ARHGEF28: variants seen among roughly 807,000 people sequenced by gnomAD.
The protein encoded by ARHGEF28 is Rho guanine nucleotide exchange factor 28, also known as 190 kDa guanine nucleotide exchange factor.
ARHGEF28 carries 152 observed loss-of-function variants against 206.6 expected under a neutral mutation model. The ratio of observed to expected loss-of-function variants is 0.74; its 90% CI spans 0.64 to 0.84. The LOEUF is 0.84. Ranked by LOEUF, ARHGEF28 falls within the 40% of genes least tolerant of loss-of-function variation. ARHGEF28 has a pLI of 0.00. For missense variants in ARHGEF28, 2,028 were observed against 2,073.2 expected (o/e 0.98, Z 0.42); for synonymous variants, 763 against 776.4 (o/e 0.98, Z 0.29).
intron 2 of ARHGEF28, among the ~76,000 whole-genome samples, chr5:73,698,111 T>G (rs1200304408): frequency 6.6e-6 from 1 of 152,156 alleles, no homozygotes; most frequent in Non-Finnish European, 1.5e-5. Context: ...CTTAAAAAGC[T>G]GGCAAATTCC....
intron 2 of ARHGEF28, among the ~76,000 whole-genome samples, chr5:73,744,155 C>T (rs1010201577): frequency 6.6e-6 from 1 of 152,062 alleles, no homozygotes; most frequent in East Asian, 1.9e-4. Context: ...TTAGATATGT[C>T]AATATCTGTA....
intron 7 of ARHGEF28, among the ~76,000 whole-genome samples, chr5:73,783,396 G>C (rs1181277320): frequency 6.6e-6 from 1 of 151,544 alleles, no homozygotes; most frequent in Admixed American, 6.6e-5. Context: ...ATGTGTGTGT[G>C]TGCGCGCTTC....
chr5:73,814,707 T>A (rs1027567191), intron 9 of ARHGEF28, among the ~76,000 whole-genome samples: 2 of 152,138 alleles, frequency 1.3e-5, no homozygotes, highest in Non-Finnish European at 2.9e-5. Flanking sequence ...TGGCTTACCC[T>A]GTCACCCTGT....
chr5:73,823,061 A>C lies in ARHGEF28; in HGVS notation c.1025-9277A>C, dbSNP rs183590904. On this transcript the variant is annotated intron_variant, in intron 9 of 35. Transcript: ENST00000513042. ...CCCTTTGAATGAGGAAATTTGGGAG[A>C]TTGTATATGCAGCAGCTGGGCTTTG... Among the ~76,000 whole-genome samples the C allele has an allele frequency of 2.7e-3, 401 of 150,904 alleles. 1 individual carries two copies. Among genetic ancestry groups the C allele is most frequent in the African/African-American group, 9.4e-3 (386 of 41,084 alleles).
chr5:73,635,896 C>T (rs138472882), intron 1 of ARHGEF28, among the ~76,000 whole-genome samples: 9 of 152,264 alleles, frequency 5.9e-5, no homozygotes, highest in South Asian at 2.1e-4. Flanking sequence ...TTTTAACTGA[C>T]GGATTTTTAA....
At chr5:73,750,084 A>C in intron 3 of ARHGEF28, 100 bp downstream of exon 3, 1 of 1,435,540 alleles carries the variant, frequency 7.0e-7, no homozygotes, top group Non-Finnish European at 9.4e-7. Flanking sequence ...AAAAGAAAAC[A>C]GTGCTGCAAG....
chr5:73,804,100 A>G (rs1755296599), intron 9 of ARHGEF28, among the ~76,000 whole-genome samples: 1 of 151,530 alleles, frequency 6.6e-6, no homozygotes, highest in African/African-American at 2.4e-5. Context: ...AAAAAAAAAA[A>G]AAAAAAAGAA....
intron 9 of ARHGEF28, among the ~76,000 whole-genome samples, chr5:73,801,784 G>T (rs1288387909): frequency 2.0e-5 from 3 of 152,086 alleles, no homozygotes; most frequent in Non-Finnish European, 4.4e-5. Flanking sequence ...AAGCTTCCCA[G>T]TGAATCATTT....
rs1762295366 is a variant in ARHGEF28 at position 73,901,971 on chromosome 5, T to C, written c.4074+687T>C. On this transcript the variant is annotated intron_variant, in intron 31 of 35. Transcript: ENST00000513042. Reference sequence around the variant, plus strand: ...ATAAAATATGATTCTGGGAGGTGGCTAGTTGGCCTCTTCCTGCTTGTCAGG... The same window carrying C: ...ATAAAATATGATTCTGGGAGGTGGCCAGTTGGCCTCTTCCTGCTTGTCAGG... 2 of 152,214 alleles carry C rather than the reference T, an allele frequency of 1.3e-5. 1 individual carries two copies. Among genetic ancestry groups the C allele is most frequent in the South Asian group, 4.1e-4 (2 of 4,834 alleles). 9.4% of individuals were successfully genotyped at this position (152,214 alleles called of 1,614,324 possible).
intron 33 of ARHGEF28, chr5:73,908,335 T>C (rs1403385003): frequency 6.6e-6 from 1 of 152,140 alleles, no homozygotes; most frequent in East Asian, 1.9e-4. Context: ...TATGGTCAAA[T>C]CCCCATCTTC....
rs746499441 is a variant in ARHGEF28, at chr5:73,749,951, A to G, written c.148A>G (p.Ile50Val). The G allele has an allele frequency of 2.5e-6, 4 of 1,613,988 alleles. No homozygotes were observed. The highest frequency in any genetic ancestry group is 2.5e-6 in the Non-Finnish European group (3 of 1,179,880). The change falls in exon 3 of 36, where the codon ATC becomes GTC. Residue 50 changes from isoleucine (I) to valine (V), a missense_variant. By Grantham distance (29) the Ile-to-Val change is conservative (BLOSUM62 3). Coordinates refer to ENST00000513042, the MANE Select transcript of ARHGEF28 (RefSeq NM_001177693.2). ...GCGACATGTCATGATTGCAGAGCGC[A>G]TCGAGGATAACGTTCTCCAGTCCAG... ...HQRHVMIAER[I>V]EDNVLQSSVP...
intron 2 of ARHGEF28, among the ~76,000 whole-genome samples, chr5:73,724,827 G>A (rs975039955): frequency 5.3e-5 from 8 of 152,114 alleles, no homozygotes; most frequent in Non-Finnish European, 7.4e-5. Context: ...TCCAGTTTTT[G>A]GTGATTACAA....
At chr5:73,843,988 T>A (rs1285578075) in intron 11 of ARHGEF28, among the ~76,000 whole-genome samples, 2 of 152,182 alleles carry the variant, frequency 1.3e-5, no homozygotes, top group African/African-American at 4.8e-5. Context: ...TTCTATATAT[T>A]TTTTAAAAAA....
intron 7 of ARHGEF28, among the ~76,000 whole-genome samples, chr5:73,783,784 GT>G (rs1035969036): frequency 1.1e-3 from 164 of 152,224 alleles, no homozygotes; most frequent in Admixed American, 1.4e-3. Flanking sequence ...CAAAATATAC[GT>G]TCAGTTTTAG....
intron 2 of ARHGEF28, among the ~76,000 whole-genome samples, chr5:73,748,120 T>C (rs893932885): frequency 4.6e-5 from 7 of 152,230 alleles, no homozygotes; most frequent in Admixed American, 1.3e-4. Context: ...AAGCAAGCTG[T>C]TCTTCCTTTT....
intron 5 of ARHGEF28, among the ~76,000 whole-genome samples, chr5:73,775,662 A>C (rs1475184608): frequency 3.9e-5 from 6 of 152,222 alleles, no homozygotes; most frequent in Non-Finnish European, 8.8e-5. Context: ...AGTTCTGTGA[A>C]TTGAGGAATC....
chr5:73,830,216 A>C (rs1158511299), intron 9 of ARHGEF28, among the ~76,000 whole-genome samples: 1 of 152,132 alleles, frequency 6.6e-6, no homozygotes, highest in African/African-American at 2.4e-5. Context: ...TATGGGGAAA[A>C]TTCTGATTTT....
intron 22 of ARHGEF28, among the ~76,000 whole-genome samples, chr5:73,878,229 C>T (rs4248897): frequency 0.54 from 77,605 of 143,234 alleles, 21,773 homozygotes; most frequent in African/African-American, 0.67. Context: ...CTGTTTTATC[C>T]GAGATTAGGA....
chr5:73,868,179 C>T lies in ARHGEF28; in HGVS notation c.2377C>T (p.Leu793=), dbSNP rs1425959703. 6.2e-7 allele frequency: 1 copy of T among 1,601,404 alleles called. No homozygotes were observed. The highest frequency in any genetic ancestry group is 1.7e-5 in the Admixed American group (1 of 58,032). ...CRSRSHSDEL[L]QSMGSSPSTE... ...AAGCAGGTCTCATTCTGATGAGCTG[C>T]TACAGTCCATGGGCTCTTCTCCCTC... Residue 793 remains leucine, a synonymous_variant, in exon 20 of 36, where the codon CTA becomes TTA. Coordinates refer to ENST00000513042, the MANE Select transcript of ARHGEF28 (RefSeq NM_001177693.2).
Sources: gnomAD v4.1 joint callset for allele counts (sites outside exome capture counted in the v4.1 genomes callset) on GRCh38, gnomAD v4.1.1 for gene constraint, MANE v1.5 for transcripts, NCBI Gene and HGNC (gene_info 2026-07-23, HGNC 2026-07-21) for gene names.